TTLL11: variants seen among roughly 807,000 people sequenced by gnomAD.
TTLL11 encodes tubulin polyglutamylase TTLL11.
A neutral mutation model predicts 51.7 loss-of-function variants in TTLL11; 42 were observed. That is an observed-to-expected ratio of 0.81 (90% confidence interval 0.64 to 1.05). TTLL11 has a LOEUF of 1.05. Among genes scored for constraint, TTLL11 ranks in the 50% least tolerant of loss-of-function variants. The probability of loss-of-function intolerance (pLI) is 0.00; values close to 1 mark genes in which losing one functional copy is unlikely to be tolerated. For missense variants in TTLL11, 799 were observed against 940.4 expected (o/e 0.85, Z 1.97); for synonymous variants, 381 against 383.5 (o/e 0.99, Z 0.08).
rs568245979 is a variant in TTLL11 at position 122,072,634 on chromosome 9, ACT to A, written c.462+20051_462+20052del. Reference sequence around the variant, plus strand: ...ACTCCAGCCTGGACAACAGAGCAAGACTCTGTCTCAAAAAAATAAAAGTTTGC... The same window carrying A: ...ACTCCAGCCTGGACAACAGAGCAAGACTGTCTCAAAAAAATAAAAGTTTGC... On this transcript the variant is annotated intron_variant, in intron 1 of 8. Transcript: ENST00000321582. Among the ~76,000 whole-genome samples, 223 of 152,018 alleles carry A rather than the reference ACT, an allele frequency of 1.5e-3. 1 individual carries two copies. The highest frequency in any genetic ancestry group is 5.0e-3 in the African/African-American group (207 of 41,458).
chr9:121,912,448 C>G (rs748442527), intron 6 of TTLL11, among the ~76,000 whole-genome samples: 11 of 151,198 alleles, frequency 7.3e-5, no homozygotes, highest in Non-Finnish European at 1.2e-4. Flanking sequence ...CTCTGTGTCT[C>G]TCCCTTCACA....
chr9:121,942,504 T>C (rs946050876), intron 6 of TTLL11, among the ~76,000 whole-genome samples: 9 of 152,208 alleles, frequency 5.9e-5, no homozygotes, highest in Non-Finnish European at 1.2e-4. Context: ...TGTAACCCTG[T>C]AACCCCAGCT....
chr9:121,944,506 C>CA (rs34480595), intron 6 of TTLL11, among the ~76,000 whole-genome samples: 54,814 of 149,280 alleles, frequency 0.37, 10,568 homozygotes, highest in East Asian at 0.58. Context: ...GACTCCATCT[C>CA]AAAAAAAAAG....
At chr9:122,044,061 A>G (rs920467027) in intron 1 of TTLL11, among the ~76,000 whole-genome samples, 1 of 151,660 alleles carries the variant, frequency 6.6e-6, no homozygotes, top group Non-Finnish European at 1.5e-5. Context: ...TCCTGTGTCC[A>G]TGTGTTCTCA....
At chr9:121,916,029 A>ACACACG (rs1554768411) in intron 6 of TTLL11, among the ~76,000 whole-genome samples, 34 of 134,394 alleles carry the variant, frequency 2.5e-4, no homozygotes, top group African/African-American at 8.5e-4. Context: ...ACACACACAC[A>ACACACG]CACACTGAGG....
chr9:121,923,813 AT>A (rs577481897), intron 6 of TTLL11, among the ~76,000 whole-genome samples: 5 of 152,008 alleles, frequency 3.3e-5, no homozygotes, highest in East Asian at 1.9e-4. Context: ...GAAAGAATTC[AT>A]TTTTTTTAAC....
At chr9:122,065,265 G>A (rs142577536) in intron 1 of TTLL11, among the ~76,000 whole-genome samples, 16 of 152,258 alleles carry the variant, frequency 1.1e-4, no homozygotes, top group Non-Finnish European at 1.9e-4. Flanking sequence ...TTTAAGAACT[G>A]GGTAGAGTTC....
intron 2 of TTLL11, among the ~76,000 whole-genome samples, 165 bp downstream of exon 2, chr9:122,039,107 A>G (rs1844775404): frequency 6.6e-6 from 1 of 152,232 alleles, no homozygotes; most frequent in Admixed American, 6.5e-5. Context: ...AACCTTTAAA[A>G]GCCTGTCTCC....
intron 2 of TTLL11, among the ~76,000 whole-genome samples, chr9:122,032,690 C>T (rs1160369964): frequency 6.7e-6 from 1 of 149,920 alleles, no homozygotes; most frequent in Admixed American, 6.7e-5. Context: ...CTTGTAACAT[C>T]ATTAGTAACT....
At chr9:122,004,574 A>T (rs1843580718) in intron 3 of TTLL11, among the ~76,000 whole-genome samples, 2 of 152,156 alleles carry the variant, frequency 1.3e-5, no homozygotes, top group Admixed American at 6.5e-5. Context: ...GCTGGTCTCA[A>T]ACTCCTGACC....
chr9:122,031,441 C>T (rs1844538488), intron 3 of TTLL11, among the ~76,000 whole-genome samples: 1 of 152,198 alleles, frequency 6.6e-6, no homozygotes, highest in South Asian at 2.1e-4. Context: ...GCTCCAGCTC[C>T]CTGGCTCCCC....
chr9:121,853,140 T>C lies in TTLL11; in HGVS notation c.1840+7197A>G, dbSNP rs564339148. ...GAGGGATTTTGCTGAGAGATGGTCA[T>C]GAGGCTCAGACACCCATGGGATTGG... is the stretch of plus-strand genomic sequence containing the variant. On this transcript the variant is annotated intron_variant, in intron 8 of 8. Transcript: ENST00000321582. The surrounding 1 kb of genome is among the most constrained non-coding windows in gnomAD (Gnocchi z 5.6). Among the ~76,000 whole-genome samples, 1 of 152,310 alleles carries C rather than the reference T, an allele frequency of 6.6e-6. No individual in the cohort carries two copies. The highest frequency in any genetic ancestry group is 2.4e-5 in the African/African-American group (1 of 41,566).
At chr9:121,954,970 C>A (rs1564324588) in intron 6 of TTLL11, among the ~76,000 whole-genome samples, 1 of 152,146 alleles carries the variant, frequency 6.6e-6, no homozygotes, top group African/African-American at 2.4e-5. Context: ...TGGGGACTGG[C>A]TCTCAGTCAA....
intron 3 of TTLL11, among the ~76,000 whole-genome samples, chr9:122,004,640 C>T (rs138646763): frequency 8.1e-4 from 123 of 152,268 alleles, no homozygotes; most frequent in African/African-American, 2.6e-3. Context: ...AATACTCTCT[C>T]GTTCATCTTT....
chr9:122,008,492 T>C (rs1480941579), intron 3 of TTLL11, among the ~76,000 whole-genome samples: 1 of 152,174 alleles, frequency 6.6e-6, no homozygotes, highest in East Asian at 1.9e-4. Flanking sequence ...GAATCACTAA[T>C]CATCAGAGAA....
At chr9:121,842,259 A>T (rs68119843) in intron 8 of TTLL11, among the ~76,000 whole-genome samples, 73,688 of 145,824 alleles carry the variant, frequency 0.51, 19,206 homozygotes, top group East Asian at 0.64. Flanking sequence ...CTTTTTTTTA[A>T]AAAAAAAAGA....
intron 6 of TTLL11, among the ~76,000 whole-genome samples, chr9:121,932,559 C>T (rs9409243): frequency 0.35 from 53,513 of 152,050 alleles, 10,205 homozygotes; most frequent in East Asian, 0.57. Context: ...CCAGTGGAAG[C>T]GCCATTCCCC....
At position 121,815,879 on chromosome 9, in the gene TTLL11, G is replaced by A. The variant is rs979491765; in HGVS notation, c.*6708C>T. On this transcript the variant is annotated 3_prime_UTR_variant, in exon 9 of 9. Coordinates refer to ENST00000321582, the MANE Select transcript of TTLL11 (RefSeq NM_001139442.2). ...GCTCAGCACAGAGCGGAGGGGGCTG[G>A]AGCACGTGGGGCCTCTCACCAGACC... 1 of 152,174 alleles carries A rather than the reference G, an allele frequency of 6.6e-6. No individual in the cohort carries two copies. The highest frequency in any genetic ancestry group is 1.5e-5 in the Non-Finnish European group (1 of 68,032). 9.4% of individuals were successfully genotyped at this position (152,174 alleles called of 1,614,324 possible). A position where few individuals can be genotyped will look rare whatever the true frequency, so the allele number is the denominator to read the frequency against.
At chr9:122,021,903 G>C (rs372983118) in intron 3 of TTLL11, among the ~76,000 whole-genome samples, 6 of 152,286 alleles carry the variant, frequency 3.9e-5, no homozygotes, top group African/African-American at 1.2e-4. Flanking sequence ...GACATTATGA[G>C]AGTGATTATA....
Sources: gnomAD v4.1 joint callset for allele counts (sites outside exome capture counted in the v4.1 genomes callset) on GRCh38, gnomAD v4.1.1 for gene constraint, Gnocchi (gnomAD v3.1) non-coding constraint, MANE v1.5 for transcripts, NCBI Gene and HGNC (gene_info 2026-07-23, HGNC 2026-07-21) for gene names.